The following C8orf34 variants were observed in gnomAD, a reference collection of about 807,000 sequenced individuals.
The protein encoded by C8orf34 is chromosome 8 open reading frame 34.
In C8orf34, 65 loss-of-function variants were observed where a neutral mutation model predicts 68.3. That is an observed-to-expected ratio of 0.95 (90% CI 0.78 to 1.17). The LOEUF is 1.17. Among genes scored for constraint, C8orf34 ranks in the 50% most tolerant of loss-of-function variants. The pLI, the probability that C8orf34 is intolerant of heterozygous loss-of-function variation, is 0.00. For synonymous variants in C8orf34, 244 were observed against 241.2 expected (o/e 1.01, Z -0.11); for missense variants, 664 against 655.4 (o/e 1.01, Z -0.14).
chr8:68,618,773 C>G (rs1818303687), intron 7 of C8orf34, among the ~76,000 whole-genome samples: 1 of 152,104 alleles, frequency 6.6e-6, no homozygotes, highest in Non-Finnish European at 1.5e-5. Context: ...AGTGAGAGTT[C>G]AAATGGATCT....
intron 3 of C8orf34, among the ~76,000 whole-genome samples, chr8:68,463,511 T>A (rs1283392760): frequency 1.3e-5 from 2 of 152,142 alleles, no homozygotes; most frequent in Non-Finnish European, 2.9e-5. Context: ...TAGACCAATA[T>A]CCTTGATGAA....
chr8:68,527,676 CTTCAAA>C (rs1460271221), intron 6 of C8orf34, among the ~76,000 whole-genome samples: 1 of 152,226 alleles, frequency 6.6e-6, no homozygotes, highest in Non-Finnish European at 1.5e-5. Flanking sequence ...GGCTGCCTTG[CTTCAAA>C]TTCTGTGCAT....
chr8:68,761,916 G>A (rs1423020349), intron 10 of C8orf34, among the ~76,000 whole-genome samples: 3 of 152,156 alleles, frequency 2.0e-5, no homozygotes, highest in African/African-American at 7.2e-5. Context: ...GCATAGTAGA[G>A]TATTTTGCAA....
Position 68,453,345 on chromosome 8 carries a change from C to T in C8orf34, c.607+6885C>T, listed in dbSNP as rs1001447322. On this transcript the variant is annotated intron_variant, in intron 3 of 13. Transcript: ENST00000518698. The stretch of plus-strand genomic sequence containing the variant: ...GCCATTTGGATTTTCTTAGGAAATG[C>T]GTTGAATCTGTGGATCACTTTGGAG... Among the ~76,000 whole-genome samples the T allele has an allele frequency of 2.6e-5, 4 of 152,066 alleles. No individual in the cohort carries two copies. The South Asian group carries it at 6.2e-4, about 24-fold the overall frequency.
At chr8:68,601,618 T>C (rs749518448) in intron 7 of C8orf34, among the ~76,000 whole-genome samples, 16 of 152,172 alleles carry the variant, frequency 1.1e-4, no homozygotes, top group Non-Finnish European at 2.1e-4. Context: ...ATTCATTTTA[T>C]CCTTTTCATT....
intron 8 of C8orf34, among the ~76,000 whole-genome samples, chr8:68,667,356 A>G (rs1585699554): frequency 6.6e-6 from 1 of 152,158 alleles, no homozygotes; most frequent in Non-Finnish European, 1.5e-5. Context: ...TGATTTCCAA[A>G]CCCTTAATTT....
chr8:68,525,784 C>CATT, intron 6 of C8orf34: 1 of 571,302 alleles, frequency 1.8e-6, no homozygotes, highest in Admixed American at 2.0e-5. Flanking sequence ...AGCCATGCTT[C>CATT]ATCACAGTGA....
At chr8:68,420,837 A>T (rs1411327024) in intron 1 of C8orf34, among the ~76,000 whole-genome samples, 1 of 151,988 alleles carries the variant, frequency 6.6e-6, no homozygotes, top group African/African-American at 2.4e-5. Flanking sequence ...AGACCAGAAG[A>T]AAATATTCAG....
At chr8:68,816,105 AGTGTGT>A (rs71554629) in intron 13 of C8orf34, among the ~76,000 whole-genome samples, 160 bp downstream of exon 13, 2,219 of 144,596 alleles carry the variant, frequency 0.015, 35 homozygotes, top group South Asian at 0.044. Flanking sequence ...ATTTCCTAAG[AGTGTGT>A]GTGTGTGTGT....
At chr8:68,683,275 A>G (rs1338292632) in intron 8 of C8orf34, among the ~76,000 whole-genome samples, 1 of 151,834 alleles carries the variant, frequency 6.6e-6, no homozygotes, top group Non-Finnish European at 1.5e-5. Context: ...TAACAAAATT[A>G]TGGCTTAGAA....
chr8:68,406,337 A>G (rs1424707623), intron 1 of C8orf34, among the ~76,000 whole-genome samples: 1 of 152,108 alleles, frequency 6.6e-6, no homozygotes, highest in African/African-American at 2.4e-5. Flanking sequence ...TGAGTGATGT[A>G]CTAGAAGGCT....
chr8:68,536,358 CAAA>C (rs10696903), intron 7 of C8orf34, among the ~76,000 whole-genome samples: 2 of 49,226 alleles, frequency 4.1e-5, no homozygotes, highest in African/African-American at 8.3e-5. Context: ...GACCCTATCT[CAAA>C]AAAAAAAAAA....
At chr8:68,535,350 T>A in intron 7 of C8orf34, 7 of 983,624 alleles carry the variant, frequency 7.1e-6, no homozygotes, top group Non-Finnish European at 8.5e-6. Context: ...ATGTTTAACT[T>A]GTCTTTGTTA....
chr8:68,817,104 T>G (rs1375254990), intron 13 of C8orf34, among the ~76,000 whole-genome samples: 1 of 152,172 alleles, frequency 6.6e-6, no homozygotes, highest in Non-Finnish European at 1.5e-5. Flanking sequence ...TGTCAGAGAA[T>G]AGCACAAGTC....
intron 8 of C8orf34, among the ~76,000 whole-genome samples, chr8:68,648,669 T>C (rs568248357): frequency 6.6e-6 from 1 of 152,272 alleles, no homozygotes; most frequent in Non-Finnish European, 1.5e-5. Context: ...TTAAAAGAAA[T>C]TGGATTATAG....
intron 7 of C8orf34, among the ~76,000 whole-genome samples, chr8:68,548,580 G>A (rs1216021294): frequency 2.6e-5 from 4 of 151,756 alleles, no homozygotes; most frequent in African/African-American, 9.7e-5. Flanking sequence ...CATTGCTAAT[G>A]GGAATGCAAA....
At chr8:68,698,926 G>T (rs1342965645) in intron 8 of C8orf34, among the ~76,000 whole-genome samples, 2 of 152,016 alleles carry the variant, frequency 1.3e-5, no homozygotes, top group African/African-American at 4.8e-5. Context: ...TGGGCATGTT[G>T]CAATACAACT....
intron 4 of C8orf34, among the ~76,000 whole-genome samples, chr8:68,478,790 T>C (rs188219033): frequency 1.6e-4 from 24 of 152,292 alleles, no homozygotes; most frequent in African/African-American, 5.5e-4. Context: ...CTCACTATCA[T>C]GAGAACAGCA....
chr8:68,691,032 TC>T (rs1287574680), intron 8 of C8orf34, among the ~76,000 whole-genome samples: 1 of 152,058 alleles, frequency 6.6e-6, no homozygotes, highest in Non-Finnish European at 1.5e-5. Flanking sequence ...GGTCAGTGTA[TC>T]CTTTTTGCAC....
Sources: allele counts gnomAD v4.1 joint callset (sites outside exome capture counted in the v4.1 genomes callset), GRCh38; gene constraint gnomAD v4.1.1; transcripts MANE v1.5; gene names NCBI Gene and HGNC (gene_info 2026-07-23, HGNC 2026-07-21).